The following CNTNAP4 variants were observed in gnomAD, a reference collection of about 807,000 sequenced individuals.
The protein encoded by CNTNAP4 is contactin associated protein family member 4.
A neutral mutation model predicts 148.4 loss-of-function variants in CNTNAP4; 98 were observed. The observed-to-expected ratio is 0.66, with a 90% CI of 0.56 to 0.78. The LOEUF is 0.78. Ranked by LOEUF, CNTNAP4 falls within the 30% of genes least tolerant of loss-of-function variation. The pLI, the probability that CNTNAP4 is intolerant of heterozygous loss-of-function variation, is 0.00. For missense variants in CNTNAP4, 1,935 were observed against 1,565.6 expected, an observed-to-expected ratio of 1.24 and a Z score of -3.98; for synonymous variants, 730 against 565.1, an observed-to-expected ratio of 1.29 and a Z score of -4.14.
intron 15 of CNTNAP4, among the ~76,000 whole-genome samples, chr16:76,500,639 T>C (rs918470441): frequency 9.4e-5 from 12 of 127,422 alleles, no homozygotes; most frequent in South Asian, 7.8e-4. Flanking sequence ...TGTGTGTGTG[T>C]GTGTCTGTGT....
Position 76,455,300 on chromosome 16 carries a change from G to GT in CNTNAP4, c.1333+2532dup, listed in dbSNP as rs550584544. 9.1e-3 allele frequency among the ~76,000 whole-genome samples: 1,386 copies of GT among 152,282 alleles called. 24 individuals carry two copies. Among genetic ancestry groups the GT allele is most frequent in the African/African-American group, 0.032 (1,340 of 41,554 alleles). On this transcript the variant is annotated intron_variant, in intron 8 of 23. Coordinates refer to ENST00000611870, the MANE Select transcript of CNTNAP4 (RefSeq NM_033401.5). Reference sequence around the variant, plus strand: ...TTAGCATTTCTGCTGCTGTTTTTGCGTAACAGTGAAAATCAGGCTTATAAC... The same window carrying GT: ...TTAGCATTTCTGCTGCTGTTTTTGCGTTAACAGTGAAAATCAGGCTTATAAC...
At chr16:76,313,353 A>T (rs1961350987) in intron 1 of CNTNAP4, among the ~76,000 whole-genome samples, 1 of 152,168 alleles carries the variant, frequency 6.6e-6, no homozygotes. Context: ...GATTTTAAAA[A>T]TTCCTAGTTC....
intron 3 of CNTNAP4, among the ~76,000 whole-genome samples, chr16:76,426,938 G>A (rs1043783585): frequency 2.6e-4 from 39 of 152,180 alleles, no homozygotes; most frequent in African/African-American, 9.2e-4. Context: ...TGTTAGCTGA[G>A]TGTAGCTCCA....
intron 3 of CNTNAP4, among the ~76,000 whole-genome samples, chr16:76,423,266 A>C (rs2079257431): frequency 6.6e-6 from 1 of 152,176 alleles, no homozygotes; most frequent in African/African-American, 2.4e-5. Context: ...TAGGGAACAT[A>C]AAAGAATAGG....
intron 15 of CNTNAP4, among the ~76,000 whole-genome samples, chr16:76,511,991 A>C (rs1002094011): frequency 1.3e-5 from 2 of 152,110 alleles, no homozygotes; most frequent in Non-Finnish European, 2.9e-5. Flanking sequence ...GTGGCATTTG[A>C]ATAAAGATTT....
At chr16:76,541,041 A>G (rs112891062) in intron 21 of CNTNAP4, among the ~76,000 whole-genome samples, 3 of 152,334 alleles carry the variant, frequency 2.0e-5, no homozygotes, top group African/African-American at 7.2e-5. Context: ...ATAAAGTATA[A>G]TGAAATATGG....
chr16:76,445,187 A>T (rs1416283160), intron 4 of CNTNAP4, among the ~76,000 whole-genome samples: 1 of 152,118 alleles, frequency 6.6e-6, no homozygotes, highest in Admixed American at 6.6e-5. Context: ...ACTGATTAAG[A>T]TCTCCCTTTG....
chr16:76,311,801 G>A (rs1371030039), intron 1 of CNTNAP4, among the ~76,000 whole-genome samples: 1 of 152,174 alleles, frequency 6.6e-6, no homozygotes, highest in African/African-American at 2.4e-5. Flanking sequence ...AGTGAATGCA[G>A]ACGTCCATGG....
intron 2 of CNTNAP4, among the ~76,000 whole-genome samples, chr16:76,354,262 TC>T (rs1405142010): frequency 6.6e-6 from 1 of 152,158 alleles, no homozygotes; most frequent in Non-Finnish European, 1.5e-5. Flanking sequence ...TTAAAATAAT[TC>T]CCCAAATTAT....
At chr16:76,354,857 T>G (rs1423934908) in intron 2 of CNTNAP4, among the ~76,000 whole-genome samples, 2 of 152,182 alleles carry the variant, frequency 1.3e-5, no homozygotes, top group Non-Finnish European at 2.9e-5. Flanking sequence ...CTTAACAATG[T>G]CCTCCCTTCT....
intron 2 of CNTNAP4, among the ~76,000 whole-genome samples, chr16:76,328,919 G>T (rs1272118381): frequency 6.6e-6 from 1 of 152,168 alleles, no homozygotes; most frequent in Non-Finnish European, 1.5e-5. Flanking sequence ...TGCTGGGCGT[G>T]AGCCACTGTG....
intron 22 of CNTNAP4, 144 bp downstream of exon 22, chr16:76,553,645 C>T (rs1187526199): frequency 1.0e-5 from 7 of 685,146 alleles, no homozygotes; most frequent in Non-Finnish European, 1.7e-5. Context: ...TTCTCCTTCC[C>T]ATATCTTTTC....
chr16:76,443,631 T>C (rs1568189563), intron 4 of CNTNAP4, among the ~76,000 whole-genome samples: 1 of 152,062 alleles, frequency 6.6e-6, no homozygotes, highest in Non-Finnish European at 1.5e-5. Context: ...AAGATAGGAG[T>C]AAGTATGATA....
chr16:76,486,090 T>C (rs1028772487), intron 12 of CNTNAP4, among the ~76,000 whole-genome samples: 2 of 152,222 alleles, frequency 1.3e-5, no homozygotes, highest in African/African-American at 4.8e-5. Context: ...AATTACTCAG[T>C]TGCTTTATTT....
At chr16:76,429,829 A>G (rs2079547914) in intron 4 of CNTNAP4, among the ~76,000 whole-genome samples, 1 of 152,206 alleles carries the variant, frequency 6.6e-6, no homozygotes, top group South Asian at 2.1e-4. Context: ...TTTGGTCAAT[A>G]TTCTTTTCAC....
At chr16:76,373,294 GA>G (rs1320246888) in intron 3 of CNTNAP4, among the ~76,000 whole-genome samples, 4 of 151,098 alleles carry the variant, frequency 2.6e-5, no homozygotes, top group African/African-American at 9.7e-5. Flanking sequence ...ATAAATATGT[GA>G]AATATATTCC....
intron 5 of CNTNAP4, 87 bp from the exon 6 acceptor site, chr16:76,448,680 T>C: frequency 1.0e-6 from 1 of 956,304 alleles, no homozygotes; most frequent in Non-Finnish European, 1.5e-6. Flanking sequence ...GCAATTATTA[T>C]GAAAGATGGT....
At chr16:76,482,109 G>A (rs769814804) in intron 12 of CNTNAP4, among the ~76,000 whole-genome samples, 27 of 152,098 alleles carry the variant, frequency 1.8e-4, no homozygotes, top group Admixed American at 8.5e-4. Context: ...GTTAGGGAAT[G>A]CTTCTTCAGG....
chr16:76,487,141 A>G (rs1020848450), intron 12 of CNTNAP4, among the ~76,000 whole-genome samples: 7 of 152,228 alleles, frequency 4.6e-5, no homozygotes, highest in Admixed American at 3.3e-4. Flanking sequence ...TTAGTTATCT[A>G]CAATGTATAG....
Sources: allele counts gnomAD v4.1 joint callset (sites outside exome capture counted in the v4.1 genomes callset), GRCh38; gene constraint gnomAD v4.1.1; transcripts MANE v1.5; gene names NCBI Gene and HGNC (gene_info 2026-07-23, HGNC 2026-07-21).